Variants in CREB5 observed in about 807,000 individuals in gnomAD.
The protein encoded by CREB5 is cAMP responsive element binding protein 5, also known as cyclic AMP-responsive element-binding protein 5.
In CREB5, 19 loss-of-function variants were observed where a neutral mutation model predicts 57.1. That is an observed-to-expected ratio of 0.33 (90% CI 0.23 to 0.49). The LOEUF (loss-of-function observed/expected upper bound fraction) is 0.49, where lower values mean the gene tolerates loss of function less well. Among genes scored for constraint, CREB5 ranks in the 20% least tolerant of loss-of-function variants. The probability of loss-of-function intolerance (pLI) is 0.99; values close to 1 mark genes in which losing one functional copy is unlikely to be tolerated. For missense variants in CREB5, 579 were observed against 671.6 expected (o/e 0.86, Z 1.52); for synonymous variants, 238 against 238.3 (o/e 1.00, Z 0.01).
chr7:28,467,335 G>A (rs958555055), intron 1 of CREB5, among the ~76,000 whole-genome samples: 1 of 152,142 alleles, frequency 6.6e-6, no homozygotes, highest in African/African-American at 2.4e-5. Flanking sequence ...AATTACCCCC[G>A]CTTCCTGGAA....
intron 1 of CREB5, among the ~76,000 whole-genome samples, chr7:28,359,776 A>G (rs761725443): frequency 4.6e-5 from 7 of 152,222 alleles, no homozygotes; most frequent in Non-Finnish European, 7.4e-5. Context: ...TCGACAGAGT[A>G]AAGAGACAAT....
chr7:28,789,143 C>T (rs545513377), intron 7 of CREB5, among the ~76,000 whole-genome samples: 1 of 152,292 alleles, frequency 6.6e-6, no homozygotes, highest in Non-Finnish European at 1.5e-5. Context: ...TCAGAATACA[C>T]AGAAACCACC....
At chr7:28,708,739 A>C (rs985413652) in intron 5 of CREB5, among the ~76,000 whole-genome samples, 3 of 152,212 alleles carry the variant, frequency 2.0e-5, no homozygotes, top group Non-Finnish European at 2.9e-5. Flanking sequence ...TTATTCGTTA[A>C]AATACACTAA....
chr7:28,441,125 C>T (rs925871050), intron 1 of CREB5, among the ~76,000 whole-genome samples: 4 of 152,128 alleles, frequency 2.6e-5, no homozygotes, highest in Non-Finnish European at 5.9e-5. Flanking sequence ...AAGAAGACTT[C>T]GGAGCTTGAT....
intron 1 of CREB5, among the ~76,000 whole-genome samples, chr7:28,390,807 A>T (rs1441325769): frequency 1.3e-5 from 2 of 152,162 alleles, no homozygotes; most frequent in African/African-American, 4.8e-5. Context: ...AAGGAAAAAA[A>T]ATTTCAAACA....
chr7:28,708,360 C>A (rs1303747758), intron 5 of CREB5, among the ~76,000 whole-genome samples: 2 of 152,128 alleles, frequency 1.3e-5, no homozygotes, highest in African/African-American at 4.8e-5. Flanking sequence ...GCCAATGTAT[C>A]GTGGAGCTAA....
chr7:28,524,450 C>T (rs966872341), intron 4 of CREB5, among the ~76,000 whole-genome samples: 39 of 151,822 alleles, frequency 2.6e-4, no homozygotes, highest in Non-Finnish European at 4.1e-4. Context: ...TGCAGTGAGC[C>T]GAGATCGTGT....
chr7:28,445,816 G>T (rs546901039), intron 1 of CREB5, among the ~76,000 whole-genome samples: 1 of 152,088 alleles, frequency 6.6e-6, no homozygotes, highest in Non-Finnish European at 1.5e-5. Flanking sequence ...CTCCCAAAGT[G>T]CTGGGATTAC....
At chr7:28,747,540 C>A (rs1167411465) in intron 7 of CREB5, among the ~76,000 whole-genome samples, 1 of 152,200 alleles carries the variant, frequency 6.6e-6, no homozygotes, top group Non-Finnish European at 1.5e-5. Context: ...TGTCTGGAAC[C>A]TGCAGTGGTG....
At chr7:28,574,504 T>G (rs1394902674) in intron 5 of CREB5, among the ~76,000 whole-genome samples, 1 of 152,236 alleles carries the variant, frequency 6.6e-6, no homozygotes, top group Non-Finnish European at 1.5e-5. Context: ...CCAGCTTTCT[T>G]AACTAAGTTG....
chr7:28,657,039 G>A (rs1221530575), intron 5 of CREB5, among the ~76,000 whole-genome samples: 1 of 152,062 alleles, frequency 6.6e-6, no homozygotes, highest in Non-Finnish European at 1.5e-5. Context: ...CAAGTGATTA[G>A]GTGCATGTAA....
intron 7 of CREB5, among the ~76,000 whole-genome samples, chr7:28,751,161 G>A (rs1405515985): frequency 7.2e-6 from 1 of 138,606 alleles, no homozygotes; most frequent in African/African-American, 2.6e-5. Flanking sequence ...CCTGGGAAGC[G>A]TCAGGAAGCA....
Position 28,544,142 on chromosome 7 carries a change from T to C in CREB5, c.292-26223T>C, listed in dbSNP as rs188162286. On this transcript the variant is annotated intron_variant, in intron 4 of 10. Coordinates refer to ENST00000357727, the MANE Select transcript of CREB5 (RefSeq NM_182898.4). ...TGTTGTCCCATAGATTGCATGCTTC[T>C]AATGTAATGAAAGTGACTTTGAAAT... is the stretch of plus-strand genomic sequence containing the variant. 7.9e-5 allele frequency among the ~76,000 whole-genome samples: 12 copies of C among 152,216 alleles called. No individual in the cohort carries two copies. The East Asian group carries it at 2.1e-3, about 27-fold the overall frequency.
At chr7:28,319,985 A>C (rs943505011) in intron 1 of CREB5, among the ~76,000 whole-genome samples, 7 of 151,972 alleles carry the variant, frequency 4.6e-5, no homozygotes, top group Non-Finnish European at 1.0e-4. Context: ...GGCTGGAGTG[A>C]AGTGGTGTGA....
At chr7:28,369,951 A>G (rs1465316585) in intron 1 of CREB5, among the ~76,000 whole-genome samples, 2 of 152,178 alleles carry the variant, frequency 1.3e-5, no homozygotes, top group Non-Finnish European at 2.9e-5. Context: ...GGCCGTGGTT[A>G]TCACCTCTTG....
chr7:28,334,726 A>G (rs1785786871), intron 1 of CREB5, among the ~76,000 whole-genome samples: 3 of 152,002 alleles, frequency 2.0e-5, no homozygotes, highest in Admixed American at 6.6e-5. Context: ...CCATTTGTCC[A>G]TGTTTGCTTT....
At chr7:28,776,817 G>A (rs1450338760) in intron 7 of CREB5, among the ~76,000 whole-genome samples, 1 of 152,160 alleles carries the variant, frequency 6.6e-6, no homozygotes, top group Non-Finnish European at 1.5e-5. Context: ...TGGCCACCTT[G>A]TTTGTTTCAC....
At chr7:28,701,223 G>A (rs553709122) in intron 5 of CREB5, among the ~76,000 whole-genome samples, 15 of 152,176 alleles carry the variant, frequency 9.9e-5, no homozygotes, top group African/African-American at 3.1e-4. Context: ...GAGGCGCAGG[G>A]AAGACAAGTC....
intron 5 of CREB5, among the ~76,000 whole-genome samples, chr7:28,662,883 A>G (rs10271500): frequency 0.097 from 14,737 of 152,116 alleles, 1,649 homozygotes; most frequent in African/African-American, 0.27. Flanking sequence ...GCAGTGGCTC[A>G]CACCTGTAAT....
Sources: gnomAD v4.1 joint callset for allele counts (sites outside exome capture counted in the v4.1 genomes callset) on GRCh38, gnomAD v4.1.1 for gene constraint, MANE v1.5 for transcripts, NCBI Gene and HGNC (gene_info 2026-07-23, HGNC 2026-07-21) for gene names.